The following LGALSL variants were observed in gnomAD, a reference collection of about 807,000 sequenced individuals.
LGALSL encodes galectin-related protein.
LGALSL carries 13 observed loss-of-function variants against 19.5 expected under a neutral mutation model. The observed-to-expected ratio is 0.67, with a 90% CI of 0.43 to 1.06. The LOEUF is 1.06. Among genes scored for constraint, LGALSL ranks in the 50% least tolerant of loss-of-function variants. The pLI is 0.00. For synonymous variants in LGALSL, 86 were observed against 78.3 expected (o/e 1.10, Z -0.52); for missense variants, 189 against 219.3 (o/e 0.86, Z 0.87).
intron 3 of LGALSL, among the ~76,000 whole-genome samples, chr2:64,456,057 T>A (rs1572899177): frequency 6.6e-6 from 1 of 151,910 alleles, no homozygotes; most frequent in African/African-American, 2.4e-5. Flanking sequence ...AATTCCGAAG[T>A]GGAATTCTCT....
At position 64,456,331 on chromosome 2, in the gene LGALSL, G is replaced by T. The variant is rs1005624010; in HGVS notation, c.241G>T (p.Ala81Ser). 1.4e-5 allele frequency: 23 copies of T among 1,612,220 alleles called. No homozygotes were observed. Among genetic ancestry groups the T allele is most frequent in the Non-Finnish European group, 1.9e-5 (22 of 1,179,336 alleles). Residue 81 changes from alanine to serine, a missense_variant, in exon 4 of 5, where the codon GCC becomes TCC. By Grantham distance (99) the Ala-to-Ser change is moderately conservative. Transcript: ENST00000238875. ...LTCGDSEDPP[A>S]DVAIELKAVF... ...CTGTGGGGACTCAGAAGACCCTCCT[G>T]CCGATGTGGCAATCGAACTCAAAGC...
chr2:64,454,538 G>A lies in LGALSL; in HGVS notation c.-8G>A. ...CGTCCCACGTACCCCGCCGCGCCGG[G>A]CAAGAAGATGGCGGGATCAGTGGCC... On this transcript the variant is annotated 5_prime_UTR_variant, in exon 1 of 5. Transcript: ENST00000238875. This position sits in a 1 kb window ranked among gnomAD's most constrained non-coding sequence, Gnocchi z 5.1. The A allele has an allele frequency of 7.0e-7, 1 of 1,437,002 alleles. No homozygotes were observed. The highest frequency in any genetic ancestry group is 9.2e-7 in the Non-Finnish European group (1 of 1,090,848). 89.0% of individuals were successfully genotyped at this position (1,437,002 alleles called of 1,614,324 possible). A position where few individuals can be genotyped will look rare whatever the true frequency, so the allele number is the denominator to read the frequency against.
rs375687220 is a variant in LGALSL at position 64,455,331 on chromosome 2, C to T, written c.37-13C>T. The T allele has an allele frequency of 1.2e-6, 2 of 1,600,834 alleles. No homozygotes were observed. The highest frequency in any genetic ancestry group is 1.3e-5 in the African/African-American group (1 of 74,634). ...AGCCCATGGAAAGCCAATCTGTGTA[C>T]TTCTATTTTTAGAAACTAGATGATG... On this transcript the variant is annotated splice_polypyrimidine_tract_variant and intron_variant, in intron 1 of 4. Transcript: ENST00000238875.
Position 64,458,490 on chromosome 2 carries a change from A to G in LGALSL, c.*62A>G, listed in dbSNP as rs1686771664. On this transcript the variant is annotated 3_prime_UTR_variant, in exon 5 of 5. Transcript: ENST00000238875. Reference sequence around the variant, plus strand: ...ACAACTATCTGACTGTTGGTCTGGAAGAAGTGTCCTAGCAAGATCTGGAGA... The same window carrying G: ...ACAACTATCTGACTGTTGGTCTGGAGGAAGTGTCCTAGCAAGATCTGGAGA... 1 of 1,500,944 alleles carries G rather than the reference A, an allele frequency of 6.7e-7. No homozygotes were observed. The highest frequency in any genetic ancestry group is 9.1e-7 in the Non-Finnish European group (1 of 1,093,688). 93.0% of individuals were successfully genotyped at this position (1,500,944 alleles called of 1,614,324 possible).
Position 64,458,597 on chromosome 2 carries a change from A to C in LGALSL, c.*169A>C, listed in dbSNP as rs1572900152. 15 of 584,086 alleles carry C rather than the reference A, an allele frequency of 2.6e-5. No homozygotes were observed. The highest frequency in any genetic ancestry group is 6.5e-5 in the Admixed American group (2 of 30,600). The allele number at this position is 584,086 out of a possible 1,614,324, so 36.2% of individuals were successfully genotyped here. A position where few individuals can be genotyped will look rare whatever the true frequency, so the allele number is the denominator to read the frequency against. On this transcript the variant is annotated 3_prime_UTR_variant, in exon 5 of 5. Coordinates refer to ENST00000238875, the MANE Select transcript of LGALSL (RefSeq NM_014181.3). ...AGAAGAAAGCTGTTGGGACAAAGAC[A>C]CCGAGCCATTATACCCAGAATAAAA...
At position 64,454,701 on chromosome 2, in the gene LGALSL, G is replaced by C; in HGVS notation, c.36+120G>C. 1 of 660,552 alleles carries C rather than the reference G, an allele frequency of 1.5e-6. No homozygotes were observed. The highest frequency in any genetic ancestry group is 2.1e-6 in the Non-Finnish European group (1 of 477,500). 40.9% of individuals were successfully genotyped at this position (660,552 alleles called of 1,614,324 possible). On this transcript the variant is annotated intron_variant, in intron 1 of 4. Transcript: ENST00000238875. The surrounding 1 kb of genome is among the most constrained non-coding windows in gnomAD (Gnocchi z 5.1). Reference sequence around the variant, plus strand: ...AGGCCCGGCCGGCGCCCGGCGCGTGGGAAGGCGCCCGGTACCTGTTAGCAG... The same window carrying C: ...AGGCCCGGCCGGCGCCCGGCGCGTGCGAAGGCGCCCGGTACCTGTTAGCAG...
chr2:64,454,307 G>A lies in LGALSL; in HGVS notation c.-239G>A, dbSNP rs377223386. ...GTCGGCCCGGGTCCGGGGCCGTTCT[G>A]GGCCGCGGCAAGCACCTTCGCCCTC... On this transcript the variant is annotated 5_prime_UTR_variant, in exon 1 of 5. Transcript: ENST00000238875. The surrounding 1 kb of genome is among the most constrained non-coding windows in gnomAD (Gnocchi z 5.1). 215 of 394,620 alleles carry A rather than the reference G, an allele frequency of 5.4e-4. 5 individuals are homozygous for A. Among genetic ancestry groups the A allele is most frequent in the South Asian group, 3.8e-3 (30 of 7,846 alleles). 24.4% of individuals were successfully genotyped at this position (394,620 alleles called of 1,614,324 possible).
At chr2:64,455,945 T>A (rs1686728408) in intron 3 of LGALSL, among the ~76,000 whole-genome samples, 1 of 135,676 alleles carries the variant, frequency 7.4e-6, no homozygotes, top group East Asian at 2.3e-4. Context: ...TTTTTTTTTT[T>A]AATGGTTTTG....
rs543619631 is a variant in LGALSL at position 64,455,730 on chromosome 2, C to G, written c.197+53C>G. The G allele has an allele frequency of 2.6e-4, 357 of 1,349,940 alleles. 3 individuals carry two copies. In the South Asian group the frequency reaches 3.7e-3, roughly 14 times the overall value. The allele number at this position is 1,349,940 out of a possible 1,614,324, so 83.6% of individuals were successfully genotyped here. On this transcript the variant is annotated intron_variant, in intron 3 of 4. Transcript: ENST00000238875. ...ACTATCAGGCTGTGGCTGAGCCCTG[C>G]CCACTTCTGTTGTGGTTTAGCACTC...
In LGALSL at chr2:64,457,261, T is replaced by TAA. The variant is rs527547525; in HGVS notation, c.375+808_375+809dup. Among the ~76,000 whole-genome samples the TAA allele has an allele frequency of 1.4e-3, 201 of 145,196 alleles. 2 individuals are homozygous for TAA. The highest frequency in any genetic ancestry group is 4.9e-3 in the African/African-American group (196 of 39,810). On this transcript the variant is annotated intron_variant, in intron 4 of 4. Transcript: ENST00000238875. ...GGAAACACAGCAAAAACCCTGCCTT[T>TAA]AAAAAAAAAAAAATTAGCCTGCCAT...
In LGALSL at chr2:64,454,404, C is replaced by CGCGCGCGCGCGCGCCCCCTCGTGTGT. The variant is rs1157790416; in HGVS notation, c.-133_-108dup. On this transcript the variant is annotated 5_prime_UTR_variant, in exon 1 of 5. Transcript: ENST00000238875. This position sits in a 1 kb window ranked among gnomAD's most constrained non-coding sequence, Gnocchi z 5.1. ...TGCCAGGTCGGCGCCGGGCCCCGGG[C>CGCGCGCGCGCGCGCCCCCTCGTGTGT]GCGCGCGCGCGCGCCCCCTCGTGTG... is the stretch of plus-strand genomic sequence containing the variant. The CGCGCGCGCGCGCGCCCCCTCGTGTGT allele has an allele frequency of 2.1e-5, 7 of 332,152 alleles. No individual in the cohort carries two copies. The highest frequency in any genetic ancestry group is 8.9e-5 in the African/African-American group (4 of 45,034). The allele number at this position is 332,152 out of a possible 1,614,324, so 20.6% of individuals were successfully genotyped here. A position where few individuals can be genotyped will look rare whatever the true frequency, so the allele number is the denominator to read the frequency against.
At position 64,459,929 on chromosome 2, in the gene LGALSL, T is replaced by C. The variant is rs1167924753; in HGVS notation, c.*1501T>C. Reference sequence around the variant, plus strand: ...GGAAGACAGGGTTCTGGGGTGGGGGTGTATTTATATATAATTTAGGTTTTG... The same window carrying C: ...GGAAGACAGGGTTCTGGGGTGGGGGCGTATTTATATATAATTTAGGTTTTG... On this transcript the variant is annotated 3_prime_UTR_variant, in exon 5 of 5. Coordinates refer to ENST00000238875, the MANE Select transcript of LGALSL (RefSeq NM_014181.3). 4 of 151,782 alleles carry C rather than the reference T, an allele frequency of 2.6e-5. No homozygotes were observed. The highest frequency in any genetic ancestry group is 4.4e-5 in the Non-Finnish European group (3 of 67,962). 9.4% of individuals were successfully genotyped at this position (151,782 alleles called of 1,614,324 possible).
At chr2:64,456,952 G>A (rs1351422654) in intron 4 of LGALSL, among the ~76,000 whole-genome samples, 1 of 152,042 alleles carries the variant, frequency 6.6e-6, no homozygotes, top group Non-Finnish European at 1.5e-5. Context: ...TCCCCCTCTG[G>A]ATTAATTAGC....
rs1013028284 is a variant in LGALSL at position 64,459,123 on chromosome 2, C to T, written c.*695C>T. 1 of 152,064 alleles carries T rather than the reference C, an allele frequency of 6.6e-6. No homozygotes were observed. Among genetic ancestry groups the T allele is most frequent in the Admixed American group, 6.5e-5 (1 of 15,270 alleles). The allele number at this position is 152,064 out of a possible 1,614,324, so 9.4% of individuals were successfully genotyped here. On this transcript the variant is annotated 3_prime_UTR_variant, in exon 5 of 5. Coordinates refer to ENST00000238875, the MANE Select transcript of LGALSL (RefSeq NM_014181.3). ...TTTAAAGAATTGAGATTCTCCATAC[C>T]CCTAAACTTAGGATCTCTTGATATA...
chr2:64,454,751 TA>T lies in LGALSL; in HGVS notation c.36+171del, dbSNP rs1252661578. ...GCCGCTGGCTGCGCGCGGCCGGTGTTAGGGGCTGGAGAGGCTCCCGGGCTGC... is the reference window on the plus strand; with the variant it reads ...GCCGCTGGCTGCGCGCGGCCGGTGTTGGGGCTGGAGAGGCTCCCGGGCTGC... On this transcript the variant is annotated intron_variant, in intron 1 of 4. Coordinates refer to ENST00000238875, the MANE Select transcript of LGALSL (RefSeq NM_014181.3). The surrounding 1 kb of genome is among the most constrained non-coding windows in gnomAD (Gnocchi z 5.1). Among the ~76,000 whole-genome samples the T allele has an allele frequency of 2.6e-5, 4 of 151,854 alleles. No homozygotes were observed. The highest frequency in any genetic ancestry group is 5.9e-5 in the Non-Finnish European group (4 of 67,896).
chr2:64,458,738 T>G lies in LGALSL; in HGVS notation c.*310T>G. On this transcript the variant is annotated 3_prime_UTR_variant, in exon 5 of 5. Transcript: ENST00000238875. ...GCAAGGCAATGCTTAGAAACAGAAGTGCTAAAGACACTTAAAAAGCCAACA... is the reference window on the plus strand; with the variant it reads ...GCAAGGCAATGCTTAGAAACAGAAGGGCTAAAGACACTTAAAAAGCCAACA... The G allele has an allele frequency of 4.3e-6, 1 of 233,520 alleles. No homozygotes were observed. The highest frequency in any genetic ancestry group is 8.2e-6 in the Non-Finnish European group (1 of 121,282). The allele number at this position is 233,520 out of a possible 1,614,324, so 14.5% of individuals were successfully genotyped here. A position where few individuals can be genotyped will look rare whatever the true frequency, so the allele number is the denominator to read the frequency against.
chr2:64,455,050 G>A (rs1686710614), intron 1 of LGALSL, among the ~76,000 whole-genome samples: 1 of 152,200 alleles, frequency 6.6e-6, no homozygotes, highest in Admixed American at 6.5e-5. Context: ...GTTTACGGTT[G>A]GAGAGGGGCC....
At position 64,460,369 on chromosome 2, in the gene LGALSL, T is replaced by C. The variant is rs1228491356; in HGVS notation, c.*1941T>C. On this transcript the variant is annotated 3_prime_UTR_variant, in exon 5 of 5. Coordinates refer to ENST00000238875, the MANE Select transcript of LGALSL (RefSeq NM_014181.3). The stretch of plus-strand genomic sequence containing the variant: ...GCTTGTCACTTAAAAGTCCCTAAAT[T>C]TGAGAGACTTAAAGGGCACCTTGAA... The C allele has an allele frequency of 6.6e-6, 1 of 152,136 alleles. No homozygotes were observed. Among genetic ancestry groups the C allele is most frequent in the African/African-American group, 2.4e-5 (1 of 41,420 alleles). The allele number at this position is 152,136 out of a possible 1,614,324, so 9.4% of individuals were successfully genotyped here.
chr2:64,456,315 C>T lies in LGALSL; in HGVS notation c.225C>T (p.Asp75=), dbSNP rs149487971. ...ESFAISLTCG[D]SEDPPADVAI... is the part of the protein sequence containing the mutation. The stretch of plus-strand genomic sequence containing the variant: ...TTGCAATCAGCTTGACCTGTGGGGA[C>T]TCAGAAGACCCTCCTGCCGATGTGG... Residue 75 remains aspartate, a synonymous_variant, in exon 4 of 5, where the codon GAC becomes GAT. Transcript: ENST00000238875. 41 of 1,611,918 alleles carry T rather than the reference C, an allele frequency of 2.5e-5. No individual in the cohort carries two copies. In the African/African-American group the frequency reaches 3.7e-4, roughly 15 times the overall value.
Sources: gnomAD v4.1 joint callset for allele counts (sites outside exome capture counted in the v4.1 genomes callset) on GRCh38, gnomAD v4.1.1 for gene constraint, Gnocchi (gnomAD v3.1) non-coding constraint, MANE v1.5 for transcripts, NCBI Gene and HGNC (gene_info 2026-07-23, HGNC 2026-07-21) for gene names.